ZNF827: variants seen among roughly 807,000 people sequenced by gnomAD.
The protein encoded by ZNF827 is zinc finger protein 827.
In ZNF827, 13 loss-of-function variants were observed where a neutral mutation model predicts 102.4. The ratio of observed to expected loss-of-function variants is 0.13; its 90% CI spans 0.08 to 0.20. The LOEUF (loss-of-function observed/expected upper bound fraction) is 0.20, where lower values mean the gene tolerates loss of function less well. Among genes scored for constraint, ZNF827 ranks in the 10% least tolerant of loss-of-function variants. ZNF827 has a pLI of 1.00. For missense variants in ZNF827, 1,103 were observed against 1,344.4 expected, an observed-to-expected ratio of 0.82 and a Z score of 2.81; for synonymous variants, 523 against 536.2, an observed-to-expected ratio of 0.98 and a Z score of 0.34.
chr4:145,877,907 T>C (rs576949491), intron 4 of ZNF827, among the ~76,000 whole-genome samples: 32 of 152,270 alleles, frequency 2.1e-4, no homozygotes, highest in African/African-American at 7.5e-4. Flanking sequence ...TATTTTAAAT[T>C]CCCACTATTA....
chr4:145,807,628 C>T (rs747458763), intron 8 of ZNF827, among the ~76,000 whole-genome samples: 16 of 151,746 alleles, frequency 1.1e-4, no homozygotes, highest in African/African-American at 1.7e-4. Flanking sequence ...CCCACCACCA[C>T]GCCCAGCTAA....
chr4:145,823,927 T>G (rs911361008), intron 7 of ZNF827, among the ~76,000 whole-genome samples: 1 of 152,222 alleles, frequency 6.6e-6, no homozygotes, highest in Non-Finnish European at 1.5e-5. Context: ...CTCACCCATA[T>G]TCTGTCACCT....
chr4:145,936,917 G>A (rs928133749), intron 1 of ZNF827, among the ~76,000 whole-genome samples: 2 of 151,960 alleles, frequency 1.3e-5, no homozygotes, highest in South Asian at 4.2e-4. Flanking sequence ...GAGTAGTGTG[G>A]GGGGAGAGAA....
In ZNF827 at chr4:145,761,649, A is replaced by T. The variant is rs2126843338; in HGVS notation, c.*18-51T>A. On this transcript the variant is annotated intron_variant, in intron 14 of 14. Coordinates refer to ENST00000508784, the MANE Select transcript of ZNF827 (RefSeq NM_001306215.2). The surrounding 1 kb of genome is among the most constrained non-coding windows in gnomAD (Gnocchi z 6.8). ...GGTTCAGCCGGGAAGGTTCGGAGGC[A>T]GCCGCGCTTCTCGCCGCCTCACCAG... 1 of 1,132,040 alleles carries T rather than the reference A, an allele frequency of 8.8e-7. No individual in the cohort carries two copies. Among genetic ancestry groups the T allele is most frequent in the East Asian group, 5.9e-5 (1 of 16,906 alleles). 70.1% of individuals were successfully genotyped at this position (1,132,040 alleles called of 1,614,324 possible).
At chr4:145,809,067 T>C (rs965425396) in intron 8 of ZNF827, among the ~76,000 whole-genome samples, 3 of 152,216 alleles carry the variant, frequency 2.0e-5, no homozygotes, top group African/African-American at 4.8e-5. Flanking sequence ...TCCCAAAGCA[T>C]TGGGATTACA....
In ZNF827 at chr4:145,921,949, A is replaced by C. The variant is rs563335034; in HGVS notation, c.43+16416T>G. On this transcript the variant is annotated intron_variant, in intron 1 of 14. Transcript: ENST00000508784. ...ACTGATACATACATATTTACAAGAA[A>C]CAAAGGTAATTTGACTGATGAGTTA... Among the ~76,000 whole-genome samples the C allele has an allele frequency of 2.6e-5, 4 of 152,334 alleles. No homozygotes were observed. In the East Asian group the frequency reaches 5.8e-4, roughly 22 times the overall value.
Position 145,763,039 on chromosome 4 carries a change from C to T in ZNF827, c.*17+51G>A. 2.7e-6 allele frequency: 4 copies of T among 1,491,836 alleles called. No homozygotes were observed. Among genetic ancestry groups the T allele is most frequent in the Non-Finnish European group, 3.6e-6 (4 of 1,111,458 alleles). 92.4% of individuals were successfully genotyped at this position (1,491,836 alleles called of 1,614,324 possible). On this transcript the variant is annotated intron_variant, in intron 14 of 14. Transcript: ENST00000508784. This position sits in a 1 kb window ranked among gnomAD's most constrained non-coding sequence, Gnocchi z 4.6. ...AGTGCACACGAGAGAAATATAAAGC[C>T]CATTCCCAGGTCAGGTGCACACACA...
At chr4:145,801,421 C>T (rs1258404148) in intron 8 of ZNF827, among the ~76,000 whole-genome samples, 1 of 152,210 alleles carries the variant, frequency 6.6e-6, no homozygotes, top group East Asian at 1.9e-4. Flanking sequence ...CCCCATCAGA[C>T]AGCACTGAAT....
chr4:145,805,257 G>A (rs1200498313), intron 8 of ZNF827, among the ~76,000 whole-genome samples: 1 of 151,730 alleles, frequency 6.6e-6, no homozygotes, highest in African/African-American at 2.4e-5. Flanking sequence ...AAGAATCCTG[G>A]TTTCATGTTC....
intron 8 of ZNF827, among the ~76,000 whole-genome samples, chr4:145,811,693 C>T (rs573238544): frequency 1.3e-5 from 2 of 152,314 alleles, no homozygotes; most frequent in African/African-American, 4.8e-5. Flanking sequence ...GCTGCCCAAA[C>T]TCCTTAGTGA....
At position 145,938,616 on chromosome 4, in the gene ZNF827, T is replaced by C. The variant is rs1754407716; in HGVS notation, c.-209A>G. The stretch of plus-strand genomic sequence containing the variant: ...GGTTTTCTTCTTTTCTTTCCTTTCT[T>C]TTTTCCTTTTTTTTTTTTTTTTAAA... On this transcript the variant is annotated 5_prime_UTR_variant, in exon 1 of 15. Transcript: ENST00000508784. The C allele has an allele frequency of 1.9e-6, 1 of 531,012 alleles. No homozygotes were observed. The highest frequency in any genetic ancestry group is 3.3e-6 in the Non-Finnish European group (1 of 304,702). 32.9% of individuals were successfully genotyped at this position (531,012 alleles called of 1,614,324 possible). A position where few individuals can be genotyped will look rare whatever the true frequency, so the allele number is the denominator to read the frequency against.
intron 1 of ZNF827, among the ~76,000 whole-genome samples, chr4:145,904,923 T>C (rs571310344): frequency 1.3e-5 from 2 of 152,276 alleles, no homozygotes; most frequent in South Asian, 4.1e-4. Context: ...AGACTTCAGG[T>C]ACAAGGATGA....
chr4:145,836,050 T>C (rs540607995), intron 7 of ZNF827, among the ~76,000 whole-genome samples: 1 of 151,964 alleles, frequency 6.6e-6, no homozygotes, highest in African/African-American at 2.4e-5. Flanking sequence ...CTCTCTTCGC[T>C]TTCACTTGGA....
chr4:145,785,763 T>C (rs1025704803), intron 8 of ZNF827, among the ~76,000 whole-genome samples: 1 of 152,192 alleles, frequency 6.6e-6, no homozygotes, highest in Non-Finnish European at 1.5e-5. Context: ...TTCAAGCTCT[T>C]CCAAGCCACA....
chr4:145,760,829 G>C lies in ZNF827; in HGVS notation c.*787C>G. On this transcript the variant is annotated 3_prime_UTR_variant, in exon 15 of 15. Coordinates refer to ENST00000508784, the MANE Select transcript of ZNF827 (RefSeq NM_001306215.2). ...AGTCCGAGATAGGCCAGGAAGGAGT[G>C]TTTGGGTGAGGGGATGCTGGGAGGC... is the stretch of plus-strand genomic sequence containing the variant. 3 of 1,201,768 alleles carry C rather than the reference G, an allele frequency of 2.5e-6. No individual in the cohort carries two copies. The highest frequency in any genetic ancestry group is 3.2e-6 in the Non-Finnish European group (3 of 946,920). The allele number at this position is 1,201,768 out of a possible 1,614,324, so 74.4% of individuals were successfully genotyped here. A position where few individuals can be genotyped will look rare whatever the true frequency, so the allele number is the denominator to read the frequency against.
chr4:145,927,820 C>T (rs1044937504), intron 1 of ZNF827, among the ~76,000 whole-genome samples: 5 of 152,222 alleles, frequency 3.3e-5, no homozygotes, highest in Non-Finnish European at 5.9e-5. Flanking sequence ...CCCTGCCCAC[C>T]TCACAGGCAG....
intron 7 of ZNF827, among the ~76,000 whole-genome samples, chr4:145,836,325 A>G (rs1744833030): frequency 6.6e-6 from 1 of 152,056 alleles, no homozygotes; most frequent in Admixed American, 6.5e-5. Context: ...AGCCAGGACC[A>G]CACCCTGTAG....
chr4:145,931,211 CTTATAAAAT>C (rs1311961679), intron 1 of ZNF827, among the ~76,000 whole-genome samples: 17 of 152,198 alleles, frequency 1.1e-4, no homozygotes, highest in Non-Finnish European at 1.6e-4. Context: ...ACATTATTCT[CTTATAAAAT>C]ATGATAGAAG....
chr4:145,871,388 C>G (rs903714782), intron 4 of ZNF827, among the ~76,000 whole-genome samples: 2 of 152,114 alleles, frequency 1.3e-5, no homozygotes, highest in Admixed American at 1.3e-4. Flanking sequence ...GCTAACTGGC[C>G]TATTATGGGA....
Sources: allele counts gnomAD v4.1 joint callset (sites outside exome capture counted in the v4.1 genomes callset), GRCh38; gene constraint gnomAD v4.1.1; non-coding constraint Gnocchi (gnomAD v3.1); transcripts MANE v1.5; gene names NCBI Gene and HGNC (gene_info 2026-07-23, HGNC 2026-07-21).